Variants in TLR6 observed in about 807,000 individuals in gnomAD.
TLR6 encodes toll like receptor 6.
In TLR6, 9 loss-of-function variants were observed where a neutral mutation model predicts 16.1. The observed-to-expected ratio is 0.56, with a 90% confidence interval of 0.34 to 0.98. The LOEUF is 0.98. TLR6 is among the 50% of genes least tolerant of loss of function. The probability of loss-of-function intolerance (pLI) is 0.02; values close to 1 mark genes in which losing one functional copy is unlikely to be tolerated. For synonymous variants in TLR6, 340 were observed against 338.6 expected, an observed-to-expected ratio of 1.00 and a Z score of -0.04; for missense variants, 786 against 921.0, an observed-to-expected ratio of 0.85 and a Z score of 1.90.
chr4:38,851,880 T>G (rs757825746), intron 1 of TLR6, among the ~76,000 whole-genome samples: 12 of 152,178 alleles, frequency 7.9e-5, no homozygotes, highest in African/African-American at 2.4e-5. Context: ...AAAAAACTAC[T>G]TTAAAGTTCA....
At chr4:38,858,832 G>GAAGAAAGGAAGA, upstream of TLR6, among the ~76,000 whole-genome samples, 1 of 50,892 alleles carries the variant, frequency 2.0e-5, no homozygotes, top group African/African-American at 1.3e-4. Context: ...AGAGAGAGAG[G>GAAGAAAGGAAGA]AAGAAAGAAA....
intron 1 of TLR6, among the ~76,000 whole-genome samples, chr4:38,834,368 A>AT (rs1282687141): frequency 6.6e-6 from 1 of 150,558 alleles, no homozygotes; most frequent in Admixed American, 6.6e-5. Flanking sequence ...AAAAAAAGGA[A>AT]TAAAAAAGAA....
At chr4:38,857,022 A>G (rs1413847499), upstream of TLR6, among the ~76,000 whole-genome samples, 2 of 152,248 alleles carry the variant, frequency 1.3e-5, no homozygotes, top group African/African-American at 4.8e-5. Context: ...AGCAACTTAC[A>G]AACAATTCAA....
At chr4:38,844,863 T>G (rs1712450243) in intron 1 of TLR6, among the ~76,000 whole-genome samples, 1 of 151,896 alleles carries the variant, frequency 6.6e-6, no homozygotes, top group Non-Finnish European at 1.5e-5. Flanking sequence ...AGACCAGCCT[T>G]GCCAACATGG....
the TLR6 span, among the ~76,000 whole-genome samples, chr4:38,865,818 A>G: frequency 6.6e-6 from 1 of 152,242 alleles, no homozygotes; most frequent in African/African-American, 2.4e-5. Flanking sequence ...TCTCACATTA[A>G]GATAACTTTC....
rs1014197775 is a variant in TLR6, at chr4:38,846,763, G to A, written c.-65+9998C>T. ...AGAAGGGAGAAGGGAGTTGGCTGAAGGTGGGGTAGGGAGGGAGAGAGTGCA... is the reference window on the plus strand; with the variant it reads ...AGAAGGGAGAAGGGAGTTGGCTGAAAGTGGGGTAGGGAGGGAGAGAGTGCA... On this transcript the variant is annotated intron_variant, in intron 1 of 1. Transcript: ENST00000436693. 4.6e-5 allele frequency among the ~76,000 whole-genome samples: 7 copies of A among 152,180 alleles called. No individual in the cohort carries two copies. The East Asian group carries it at 7.7e-4, about 17-fold the overall frequency.
upstream of TLR6, among the ~76,000 whole-genome samples, chr4:38,861,211 T>A (rs1209748787): frequency 6.6e-6 from 1 of 152,066 alleles, no homozygotes; most frequent in Non-Finnish European, 1.5e-5. Flanking sequence ...ACTCACTATT[T>A]CAATCCGATA....
chr4:38,867,517 C>T, the TLR6 span, among the ~76,000 whole-genome samples: 1 of 152,130 alleles, frequency 6.6e-6, no homozygotes, highest in Admixed American at 6.5e-5. Context: ...TTTTCCAAGC[C>T]CTTTTAAGGA....
chr4:38,859,063 G>A (rs949268060), upstream of TLR6, among the ~76,000 whole-genome samples: 5 of 152,148 alleles, frequency 3.3e-5, no homozygotes, highest in African/African-American at 1.2e-4. Context: ...GTACTGTCAC[G>A]TCATCTCCAC....
intron 1 of TLR6, among the ~76,000 whole-genome samples, chr4:38,843,143 G>A (rs1164244320): frequency 2.6e-5 from 4 of 152,212 alleles, no homozygotes; most frequent in African/African-American, 9.7e-5. Flanking sequence ...TCATGACAAT[G>A]ATGCTGAGCA....
At chr4:38,833,307 C>T (rs890607803) in intron 1 of TLR6, among the ~76,000 whole-genome samples, 1 of 152,214 alleles carries the variant, frequency 6.6e-6, no homozygotes, top group Non-Finnish European at 1.5e-5. Context: ...ACCGGCAAGC[C>T]TAGGCCACTG....
the TLR6 span, among the ~76,000 whole-genome samples, chr4:38,865,253 A>G: frequency 6.6e-6 from 1 of 152,310 alleles, no homozygotes; most frequent in East Asian, 1.9e-4. Context: ...TTACTTTTCT[A>G]TATATTTTAA....
At chr4:38,831,620 G>A (rs1711587914) in intron 1 of TLR6, among the ~76,000 whole-genome samples, 2 of 152,012 alleles carry the variant, frequency 1.3e-5, no homozygotes, top group African/African-American at 4.8e-5. Context: ...TATATGATAG[G>A]GACTTGTATC....
At chr4:38,825,066 G>A (rs906135967) in exon 2 of TLR6, 3 of 152,204 alleles carry the variant, frequency 2.0e-5, no homozygotes, top group African/African-American at 7.2e-5. Context: ...CACAGTACTG[G>A]GATTATAGAT....
At chr4:38,825,961 A>C (rs1214494282) in exon 2 of TLR6, 2 of 152,238 alleles carry the variant, frequency 1.3e-5, no homozygotes, top group Admixed American at 1.3e-4. Flanking sequence ...TTCATCAAGC[A>C]CTTGTATTTG....
At chr4:38,832,294 G>A (rs1711649082) in intron 1 of TLR6, among the ~76,000 whole-genome samples, 2 of 152,200 alleles carry the variant, frequency 1.3e-5, no homozygotes, top group Admixed American at 1.3e-4. Context: ...AGAGAACACT[G>A]GAATTCAGCG....
rs1712736245 is a variant in TLR6, at chr4:38,850,723, T to C, written c.-65+6038A>G. Among the ~76,000 whole-genome samples the C allele has an allele frequency of 2.0e-5, 3 of 152,298 alleles. No individual in the cohort carries two copies. The South Asian group carries it at 6.2e-4, about 32-fold the overall frequency. Reference sequence around the variant, plus strand: ...AATAGGCCAATAACAGGCTCTGAAATTGAGGCAATAATTAATAGCCTACCA... The same window carrying C: ...AATAGGCCAATAACAGGCTCTGAAACTGAGGCAATAATTAATAGCCTACCA... On this transcript the variant is annotated intron_variant, in intron 1 of 1. Transcript: ENST00000436693.
intron 1 of TLR6, among the ~76,000 whole-genome samples, chr4:38,841,968 AT>A (rs1353426091): frequency 1.3e-5 from 2 of 152,230 alleles, no homozygotes; most frequent in Non-Finnish European, 2.9e-5. Flanking sequence ...AAAAATGTAA[AT>A]GAATGTCTTT....
At chr4:38,849,589 C>T (rs1425285409) in intron 1 of TLR6, among the ~76,000 whole-genome samples, 1 of 152,016 alleles carries the variant, frequency 6.6e-6, no homozygotes, top group Non-Finnish European at 1.5e-5. Flanking sequence ...GAAGATCTAC[C>T]AAGCAAATGG....
Sources: allele counts gnomAD v4.1 joint callset (sites outside exome capture counted in the v4.1 genomes callset), GRCh38; gene constraint gnomAD v4.1.1; transcripts MANE v1.5; gene names NCBI Gene and HGNC (gene_info 2026-07-23, HGNC 2026-07-21).